Variants in PPWD1 observed in about 807,000 individuals in gnomAD.
PPWD1 encodes the protein peptidylprolyl isomerase domain and WD repeat-containing protein 1.
In PPWD1, 43 loss-of-function variants were observed where a neutral mutation model predicts 68.8. That is an observed-to-expected ratio of 0.62 (90% CI 0.49 to 0.81). The LOEUF is 0.81. Ranked by LOEUF, PPWD1 falls within the 30% of genes least tolerant of loss-of-function variation. PPWD1 has a pLI of 0.00. For missense variants in PPWD1, 672 were observed against 804.8 expected (o/e 0.83, Z 2.00); for synonymous variants, 232 against 258.7 (o/e 0.90, Z 0.99).
chr5:65,576,445 C>T lies in PPWD1; in HGVS notation c.970-434C>T, dbSNP rs914565095. On this transcript the variant is annotated intron_variant, in intron 5 of 10. Transcript: ENST00000261308. ...AGGCCAGAGTGCAGTGGCGCAATTTCGGCTCACTGCAGCGTCTGCCTCCTA... is the reference window on the plus strand; with the variant it reads ...AGGCCAGAGTGCAGTGGCGCAATTTTGGCTCACTGCAGCGTCTGCCTCCTA... 67 of 645,694 alleles carry T rather than the reference C, an allele frequency of 1.0e-4. 2 individuals carry two copies. Among genetic ancestry groups the T allele is most frequent in the Middle Eastern group, 8.3e-4 (1 of 1,212 alleles). 40.0% of individuals were successfully genotyped at this position (645,694 alleles called of 1,614,324 possible). A position where few individuals can be genotyped will look rare whatever the true frequency, so the allele number is the denominator to read the frequency against.
chr5:65,579,291 C>T (rs1753487736), intron 6 of PPWD1, 133 bp from the exon 7 acceptor site: 2 of 1,276,702 alleles, frequency 1.6e-6, no homozygotes, highest in Non-Finnish European at 2.0e-6. Flanking sequence ...GGTAGAGAAA[C>T]ACTTTTAAAA....
At chr5:65,583,923 A>G (rs1159757851) in intron 8 of PPWD1, among the ~76,000 whole-genome samples, 2 of 152,142 alleles carry the variant, frequency 1.3e-5, no homozygotes, top group Admixed American at 6.5e-5. Flanking sequence ...CTGCACTCCA[A>G]CCTGGGCAAC....
intron 5 of PPWD1, among the ~76,000 whole-genome samples, chr5:65,573,953 G>A (rs1382886694): frequency 1.3e-5 from 2 of 152,118 alleles, no homozygotes; most frequent in African/African-American, 2.4e-5. Context: ...GCAGTTAAGC[G>A]GTTTCTGTGA....
intron 6 of PPWD1, among the ~76,000 whole-genome samples, chr5:65,578,591 G>C (rs961678602): frequency 6.6e-6 from 1 of 151,880 alleles, no homozygotes; most frequent in African/African-American, 2.4e-5. Flanking sequence ...ATGAGGTGGA[G>C]TATCTTTTCA....
At position 65,569,699 on chromosome 5, in the gene PPWD1, A is replaced by G; in HGVS notation, c.367A>G (p.Ile123Val). The change falls in exon 3 of 11, where the codon ATT (isoleucine) becomes GTT (valine). Residue 123 changes from isoleucine to valine, a missense_variant. Transcript: ENST00000261308. ...VKFWKKIEEG[I>V]EFVKHFRSHL... ...GTTCTGGAAAAAAATAGAAGAGGGA[A>G]TTGAATTTGTTAAACATTTTCGTAG... 2.5e-6 allele frequency: 4 copies of G among 1,609,938 alleles called. No homozygotes were observed. The highest frequency in any genetic ancestry group is 3.4e-6 in the Non-Finnish European group (4 of 1,177,404).
At chr5:65,582,894 G>A (rs1753658463) in intron 7 of PPWD1, 144 bp from the exon 8 acceptor site, 7 of 1,112,470 alleles carry the variant, frequency 6.3e-6, no homozygotes, top group South Asian at 2.1e-5. Flanking sequence ...GACACATCCT[G>A]TATGGGAAGT....
chr5:65,564,318 CTTTTTTTTTT>C (rs550753414), intron 1 of PPWD1, among the ~76,000 whole-genome samples: 8 of 117,226 alleles, frequency 6.8e-5, no homozygotes, highest in Non-Finnish European at 1.0e-4. Context: ...TTTTCTCTCT[CTTTTTTTTTT>C]TTTTTTTTTT....
At chr5:65,574,025 C>T (rs139357508) in intron 5 of PPWD1, among the ~76,000 whole-genome samples, 2 of 152,302 alleles carry the variant, frequency 1.3e-5, no homozygotes, top group Admixed American at 1.3e-4. Flanking sequence ...ACCTTTGTAG[C>T]AAAGTTTATT....
At chr5:65,563,877 T>A (rs1424658595) in intron 1 of PPWD1, 1 of 1,449,792 alleles carries the variant, frequency 6.9e-7, no homozygotes, top group South Asian at 1.2e-5. Flanking sequence ...AAGGCTTTAG[T>A]TCAGGAGTGG....
At chr5:65,584,382 G>A (rs1361042731) in intron 8 of PPWD1, among the ~76,000 whole-genome samples, 4 of 152,074 alleles carry the variant, frequency 2.6e-5, no homozygotes, top group East Asian at 1.9e-4. Flanking sequence ...AGAAAGCTTC[G>A]TACTCTGAGT....
chr5:65,565,477 T>C (rs1752705985), intron 1 of PPWD1, among the ~76,000 whole-genome samples: 1 of 152,154 alleles, frequency 6.6e-6, no homozygotes, highest in African/African-American at 2.4e-5. Flanking sequence ...TGTGAAAATC[T>C]TTCCTCTTAA....
chr5:65,576,270 C>T (rs1470199566), intron 5 of PPWD1: 10 of 969,618 alleles, frequency 1.0e-5, no homozygotes, highest in Non-Finnish European at 8.6e-6. Context: ...TACTCTGTGA[C>T]TTTTAAAAGG....
intron 3 of PPWD1, 41 bp downstream of exon 3, chr5:65,569,773 C>G (rs756648807): frequency 2.0e-5 from 31 of 1,577,496 alleles, no homozygotes; most frequent in Non-Finnish European, 2.5e-5. Context: ...CTTTCCTAAA[C>G]TATACTAATT....
At chr5:65,576,087 T>A (rs1329772658) in intron 5 of PPWD1, among the ~76,000 whole-genome samples, 3 of 148,384 alleles carry the variant, frequency 2.0e-5, no homozygotes, top group Non-Finnish European at 3.0e-5. Context: ...TAATTTTTTT[T>A]AAAAGAATGT....
intron 2 of PPWD1, among the ~76,000 whole-genome samples, chr5:65,568,436 GC>G (rs1373722571): frequency 1.3e-5 from 2 of 152,142 alleles, no homozygotes; most frequent in African/African-American, 4.8e-5. Context: ...ATATTAGGCT[GC>G]TATTTAAAAG....
Position 65,584,995 on chromosome 5 carries a change from G to C in PPWD1, c.1533-19G>C. 6.2e-7 allele frequency: 1 copy of C among 1,607,820 alleles called. No individual in the cohort carries two copies. Among genetic ancestry groups the C allele is most frequent in the Non-Finnish European group, 8.5e-7 (1 of 1,177,370 alleles). ...GATGCTCTGAATAGGTTTCATATTT[G>C]TAACATATGTCTTAATAGGTGCCCT... is the stretch of plus-strand genomic sequence containing the variant. On this transcript the variant is annotated intron_variant, in intron 8 of 10. Coordinates refer to ENST00000261308, the MANE Select transcript of PPWD1 (RefSeq NM_015342.4).
At chr5:65,563,794 TC>T in intron 1 of PPWD1, 1 of 1,500,484 alleles carries the variant, frequency 6.7e-7, no homozygotes, top group South Asian at 1.2e-5. Context: ...TCTCATTTAC[TC>T]CCCACAGCAG....
chr5:65,578,778 A>G (rs1249796652), intron 6 of PPWD1, among the ~76,000 whole-genome samples: 2 of 121,594 alleles, frequency 1.6e-5, no homozygotes, highest in Admixed American at 8.2e-5. Flanking sequence ...ATATACATAT[A>G]TATGTGTATA....
chr5:65,568,839 G>T (rs546312456), intron 2 of PPWD1: 15 of 428,144 alleles, frequency 3.5e-5, no homozygotes, highest in Non-Finnish European at 6.1e-5. Context: ...TATCAGTGTG[G>T]TAAAACAGTA....
Sources: allele counts gnomAD v4.1 joint callset (sites outside exome capture counted in the v4.1 genomes callset), GRCh38; gene constraint gnomAD v4.1.1; transcripts MANE v1.5; gene names NCBI Gene and HGNC (gene_info 2026-07-23, HGNC 2026-07-21).